Variants in BMPER observed in about 807,000 individuals in gnomAD.
BMPER encodes BMP-binding endothelial regulator protein.
In BMPER, 45 loss-of-function variants were observed where a neutral mutation model predicts 87.3. That is an observed-to-expected ratio of 0.52 (90% CI 0.41 to 0.66). The LOEUF (loss-of-function observed/expected upper bound fraction) is 0.66. BMPER is among the 30% of genes least tolerant of loss of function. The probability of loss-of-function intolerance (pLI) is 0.00; values close to 1 mark genes in which losing one functional copy is unlikely to be tolerated. For synonymous variants in BMPER, 326 were observed against 316.2 expected (o/e 1.03, Z -0.33); for missense variants, 784 against 867.5 (o/e 0.90, Z 1.21).
At chr7:34,080,464 T>C (rs78077565) in intron 12 of BMPER, among the ~76,000 whole-genome samples, 1,652 of 152,312 alleles carry the variant, frequency 0.011, 30 homozygotes, top group African/African-American at 0.037. Flanking sequence ...GAACATTTTA[T>C]AAGGGGAAAA....
chr7:33,963,668 C>T (rs1297003175), intron 3 of BMPER, among the ~76,000 whole-genome samples: 3 of 152,100 alleles, frequency 2.0e-5, no homozygotes, highest in Non-Finnish European at 2.9e-5. Context: ...GTGGCAGGTG[C>T]CTGTAATCCC....
chr7:34,053,971 A>G (rs1392458420), intron 8 of BMPER, among the ~76,000 whole-genome samples: 1 of 152,338 alleles, frequency 6.6e-6, no homozygotes, highest in East Asian at 1.9e-4. Context: ...CCATCTTTAA[A>G]TTTGATTAGC....
chr7:34,034,454 GC>G (rs1787609295), intron 6 of BMPER, among the ~76,000 whole-genome samples: 1 of 152,130 alleles, frequency 6.6e-6, no homozygotes, highest in Non-Finnish European at 1.5e-5. Flanking sequence ...CTGCTGTTGT[GC>G]CCTCTGTTTG....
chr7:33,907,005 A>G (rs1783836482), intron 2 of BMPER, 102 bp downstream of exon 2: 3 of 1,144,492 alleles, frequency 2.6e-6, no homozygotes, highest in Middle Eastern at 3.9e-4. Flanking sequence ...TGTCTTTATC[A>G]TTACAAAATT....
intron 7 of BMPER, among the ~76,000 whole-genome samples, chr7:34,051,137 C>T (rs571472567): frequency 2.0e-5 from 3 of 152,104 alleles, no homozygotes; most frequent in Non-Finnish European, 4.4e-5. Context: ...GGTGAGGGTT[C>T]TCTCTGGAGC....
chr7:34,041,775 C>G (rs1179162393), intron 6 of BMPER, among the ~76,000 whole-genome samples: 1 of 152,054 alleles, frequency 6.6e-6, no homozygotes, highest in African/African-American at 2.4e-5. Context: ...AGAAGCAACT[C>G]TAGAGAAAAA....
At chr7:33,961,454 C>T (rs1395741273) in intron 3 of BMPER, among the ~76,000 whole-genome samples, 4 of 152,188 alleles carry the variant, frequency 2.6e-5, no homozygotes, top group Admixed American at 2.0e-4. Flanking sequence ...ACAGTGACAG[C>T]TGTGTAGGAA....
intron 3 of BMPER, among the ~76,000 whole-genome samples, chr7:33,944,407 T>A (rs1206365084): frequency 6.6e-6 from 1 of 152,198 alleles, no homozygotes; most frequent in Non-Finnish European, 1.5e-5. Flanking sequence ...CCTCAAGTGA[T>A]CCACCTGCGT....
At chr7:34,098,774 G>T (rs1263349124) in intron 13 of BMPER, among the ~76,000 whole-genome samples, 3 of 152,192 alleles carry the variant, frequency 2.0e-5, no homozygotes, top group African/African-American at 7.2e-5. Context: ...ATCAAAGCCA[G>T]GGAGGAAGGA....
chr7:33,940,963 A>G (rs1462290021), intron 3 of BMPER, among the ~76,000 whole-genome samples: 4 of 135,406 alleles, frequency 3.0e-5, no homozygotes, highest in African/African-American at 8.3e-5. Context: ...ATATATTTAT[A>G]TATAATATAA....
chr7:33,928,639 C>CA (rs35451161), intron 2 of BMPER, among the ~76,000 whole-genome samples: 19,817 of 49,146 alleles, frequency 0.4, 4,006 homozygotes, highest in East Asian at 0.44. Context: ...TTGAAAAAGC[C>CA]AAAAAAAAAA....
intron 2 of BMPER, among the ~76,000 whole-genome samples, chr7:33,922,289 T>C (rs1784251909): frequency 6.6e-6 from 1 of 152,216 alleles, no homozygotes; most frequent in Admixed American, 6.5e-5. Flanking sequence ...TCTTTCTTTG[T>C]CATTAGTGCA....
At chr7:34,013,598 G>A (rs1048574642) in intron 6 of BMPER, among the ~76,000 whole-genome samples, 3 of 151,724 alleles carry the variant, frequency 2.0e-5, no homozygotes, top group Admixed American at 6.6e-5. Flanking sequence ...TTAGAGTTGC[G>A]AAACCATTAC....
chr7:34,093,255 A>C (rs1789439561), intron 13 of BMPER, among the ~76,000 whole-genome samples: 1 of 152,226 alleles, frequency 6.6e-6, no homozygotes, highest in African/African-American at 2.4e-5. Flanking sequence ...TCTTGTCCAC[A>C]GTATCCACTG....
intron 2 of BMPER, among the ~76,000 whole-genome samples, chr7:33,926,034 A>T (rs916375266): frequency 6.6e-6 from 1 of 152,080 alleles, no homozygotes; most frequent in Non-Finnish European, 1.5e-5. Context: ...CTTGCCCCTC[A>T]TGTTGCAACA....
chr7:34,093,968 G>A (rs1340964392), intron 13 of BMPER, among the ~76,000 whole-genome samples: 2 of 152,118 alleles, frequency 1.3e-5, no homozygotes, highest in South Asian at 2.1e-4. Context: ...ATTTTACCGT[G>A]TAGCTAATTG....
chr7:33,920,664 T>C (rs1039333374), intron 2 of BMPER, among the ~76,000 whole-genome samples: 2 of 151,916 alleles, frequency 1.3e-5, no homozygotes, highest in African/African-American at 4.8e-5. Context: ...GACTTTGTGA[T>C]CTGTCCACCT....
chr7:34,049,297 C>T (rs1196842688), intron 7 of BMPER, among the ~76,000 whole-genome samples: 1 of 152,164 alleles, frequency 6.6e-6, no homozygotes, highest in Admixed American at 6.5e-5. Context: ...GAATATCAGG[C>T]ACTGCTCCAA....
At chr7:33,915,915 T>C (rs1784078352) in intron 2 of BMPER, among the ~76,000 whole-genome samples, 1 of 152,260 alleles carries the variant, frequency 6.6e-6, no homozygotes, top group African/African-American at 2.4e-5. Flanking sequence ...CTAACATTTC[T>C]ATATCTCAAC....
Sources: allele counts gnomAD v4.1 joint callset (sites outside exome capture counted in the v4.1 genomes callset), GRCh38; gene constraint gnomAD v4.1.1; transcripts MANE v1.5; gene names NCBI Gene and HGNC (gene_info 2026-07-23, HGNC 2026-07-21).